The following KLHL4 variants were observed in gnomAD, a reference collection of about 807,000 sequenced individuals.
KLHL4 encodes the protein kelch like family member 4, also known as kelch-like protein 4.
KLHL4 carries 17 observed loss-of-function variants against 45.8 expected under a neutral mutation model. The ratio of observed to expected loss-of-function variants is 0.37; its 90% CI spans 0.25 to 0.56. The LOEUF is 0.56. KLHL4 is among the 20% of genes least tolerant of loss of function. KLHL4 has a pLI of 0.79. For missense variants in KLHL4, 544 were observed against 544.9 expected (o/e 1.00, Z 0.02); for synonymous variants, 224 against 189.9 (o/e 1.18, Z -1.47).
intron 1 of KLHL4, among the ~76,000 whole-genome samples, chrX:87,534,252 A>T (rs1428819625): frequency 9.0e-6 from 1 of 111,060 alleles, no homozygotes; most frequent in Non-Finnish European, 1.9e-5. Context: ...TTATGTAGGG[A>T]GCTCATTAAA....
At chrX:87,652,824 C>T (rs1463400592) in intron 9 of KLHL4, among the ~76,000 whole-genome samples, 2 of 111,940 alleles carry the variant, frequency 1.8e-5, no homozygotes, top group African/African-American at 3.2e-5. Context: ...AGCAGTGCCC[C>T]ACTCTACTGG....
At chrX:87,658,872 C>A (rs1353296185) in intron 9 of KLHL4, among the ~76,000 whole-genome samples, 1 of 110,904 alleles carries the variant, frequency 9.0e-6, no homozygotes, top group African/African-American at 3.3e-5. Flanking sequence ...TTGAGAATTC[C>A]TTTTATGTGA....
chrX:87,560,334 T>C lies in KLHL4; in HGVS notation c.422+42019T>C, dbSNP rs757759996. ...TTCCTCTTTTGCAAGGCAATAATTG[T>C]TCTTTGTTAAGACACAAATAGCTGT... On this transcript the variant is annotated intron_variant, in intron 1 of 10. Coordinates refer to ENST00000373119, the MANE Select transcript of KLHL4 (RefSeq NM_019117.5). 2.7e-5 allele frequency among the ~76,000 whole-genome samples: 3 copies of C among 112,339 alleles called. No individual in the cohort carries two copies. The South Asian group carries it at 1.1e-3, about 41-fold the overall frequency.
chrX:87,608,717 A>G (rs904976025), intron 1 of KLHL4, among the ~76,000 whole-genome samples: 7 of 110,915 alleles, frequency 6.3e-5, no homozygotes, highest in African/African-American at 2.3e-4. Context: ...AAGCGAGAGG[A>G]AGGGTACTAG....
chrX:87,521,405 T>C (rs910030159), intron 1 of KLHL4, among the ~76,000 whole-genome samples: 4 of 111,779 alleles, frequency 3.6e-5, no homozygotes, highest in Non-Finnish European at 7.5e-5. Context: ...GGCACTCTTC[T>C]AGATGTTAGG....
chrX:87,623,139 A>C (rs1922807053), intron 5 of KLHL4, among the ~76,000 whole-genome samples: 1 of 111,371 alleles, frequency 9.0e-6, no homozygotes, highest in Admixed American at 9.6e-5. Context: ...GGCCTCAAAC[A>C]TCATCCAAAT....
At chrX:87,573,740 G>A (rs774312257) in intron 1 of KLHL4, among the ~76,000 whole-genome samples, 6 of 111,577 alleles carry the variant, frequency 5.4e-5, no homozygotes, top group African/African-American at 1.6e-4. Flanking sequence ...TCAATAAAAT[G>A]TTTCACTATA....
In KLHL4 at chrX:87,530,793, G is replaced by A. The variant is rs758972629; in HGVS notation, c.422+12478G>A. The stretch of plus-strand genomic sequence containing the variant: ...TCCTTTTGGTATATACCCAGTAATG[G>A]GATGGCTGGGTCAAATGGTATTTCC... On this transcript the variant is annotated intron_variant, in intron 1 of 10. Transcript: ENST00000373119. Among the ~76,000 whole-genome samples the A allele has an allele frequency of 6.8e-3, 703 of 103,197 alleles. 8 individuals carry two copies. Among genetic ancestry groups the A allele is most frequent in the African/African-American group, 0.024 (655 of 27,397 alleles). 89.6% of individuals were successfully genotyped at this position (103,197 alleles called of 115,157 possible). A position where few individuals can be genotyped will look rare whatever the true frequency, so the allele number is the denominator to read the frequency against.
rs35149807 is a variant in KLHL4, at chrX:87,659,588, A to AT, written c.1926-5168dup. The stretch of plus-strand genomic sequence containing the variant: ...AAAAATTTTTACGTTTCTTTATTAT[A>AT]TTTTTTTTAACTTATTTCCATTATT... On this transcript the variant is annotated intron_variant, in intron 9 of 10. Transcript: ENST00000373119. 1.1e-4 allele frequency among the ~76,000 whole-genome samples: 12 copies of AT among 108,635 alleles called. No individual in the cohort carries two copies. In the East Asian group the frequency reaches 2.1e-3, roughly 19 times the overall value. 94.3% of individuals were successfully genotyped at this position (108,635 alleles called of 115,157 possible). A position where few individuals can be genotyped will look rare whatever the true frequency, so the allele number is the denominator to read the frequency against.
intron 1 of KLHL4, among the ~76,000 whole-genome samples, chrX:87,547,913 A>G (rs1347261564): frequency 2.7e-5 from 3 of 112,280 alleles, no homozygotes; most frequent in Non-Finnish European, 5.6e-5. Flanking sequence ...TTCACCTTAA[A>G]GAAAAGGTAG....
chrX:87,581,402 C>T (rs1367628424), intron 1 of KLHL4, among the ~76,000 whole-genome samples: 1 of 112,486 alleles, frequency 8.9e-6, no homozygotes, highest in Admixed American at 9.3e-5. Context: ...TTCTTGATCC[C>T]ATTCCTCTGA....
At chrX:87,539,321 G>A (rs753046262) in intron 1 of KLHL4, among the ~76,000 whole-genome samples, 63 of 110,156 alleles carry the variant, frequency 5.7e-4, no homozygotes, top group African/African-American at 1.9e-3. Context: ...CAACCTTTTT[G>A]TAATCACTAT....
intron 1 of KLHL4, among the ~76,000 whole-genome samples, chrX:87,612,935 T>C (rs959601428): frequency 4.5e-5 from 5 of 111,637 alleles, no homozygotes; most frequent in African/African-American, 1.6e-4. Context: ...AGAGTGCATC[T>C]GAAGGGAGGT....
At chrX:87,563,346 G>A (rs1022509620) in intron 1 of KLHL4, among the ~76,000 whole-genome samples, 1 of 109,709 alleles carries the variant, frequency 9.1e-6, no homozygotes, top group South Asian at 4.0e-4. Context: ...GTGACCTTTC[G>A]GAGAGATAGT....
In KLHL4 at chrX:87,606,932, A is replaced by G. The variant is rs757403163; in HGVS notation, c.423-6945A>G. ...AAAAAATAAAAAGTTTAGAAAACAA[A>G]TGCTTCTGAAAGTAAGAAATAACAC... On this transcript the variant is annotated intron_variant, in intron 1 of 10. Coordinates refer to ENST00000373119, the MANE Select transcript of KLHL4 (RefSeq NM_019117.5). 2.3e-3 allele frequency among the ~76,000 whole-genome samples: 257 copies of G among 112,222 alleles called. 1 individual carries two copies. The highest frequency in any genetic ancestry group is 8.0e-3 in the African/African-American group (247 of 31,009).
chrX:87,569,352 C>A (rs1569343770), intron 1 of KLHL4, among the ~76,000 whole-genome samples: 1 of 111,018 alleles, frequency 9.0e-6, no homozygotes. Context: ...AAATGGGAAC[C>A]CTCAAGTATT....
In KLHL4 at chrX:87,633,831, C is replaced by G. The variant is rs1315847989; in HGVS notation, c.1632C>G (p.Asp544Glu). 2.5e-6 allele frequency: 3 copies of G among 1,205,136 alleles called. No individual in the cohort carries two copies. The African/African-American group carries it at 5.3e-5, about 21-fold the overall frequency. The change falls in exon 8 of 11, where the codon GAC becomes GAG. Residue 544 changes from aspartate to glutamate, a missense_variant. By Grantham distance (45) the Asp-to-Glu change is conservative. Coordinates refer to ENST00000373119, the MANE Select transcript of KLHL4 (RefSeq NM_019117.5). ...WSYLNTVERW[D>E]PEGRQWNYVA... is the part of the protein sequence containing the mutation. Reference sequence around the variant, plus strand: ...ATCTAAATACTGTAGAAAGATGGGACCCTGAGGGACGACAGTGGAATTACG... The same window carrying G: ...ATCTAAATACTGTAGAAAGATGGGAGCCTGAGGGACGACAGTGGAATTACG...
At chrX:87,662,245 C>T (rs992157884) in intron 9 of KLHL4, among the ~76,000 whole-genome samples, 3 of 111,147 alleles carry the variant, frequency 2.7e-5, no homozygotes, top group African/African-American at 9.8e-5. Flanking sequence ...AACAAAATAT[C>T]ACATGTACCC....
chrX:87,523,433 A>G (rs1931042290), intron 1 of KLHL4, among the ~76,000 whole-genome samples: 1 of 111,700 alleles, frequency 9.0e-6, no homozygotes, highest in Admixed American at 9.6e-5. Context: ...CCTCAGTTAA[A>G]AAACTTAAGT....
Sources: gnomAD v4.1 joint callset for allele counts (sites outside exome capture counted in the v4.1 genomes callset) on GRCh38, gnomAD v4.1.1 for gene constraint, MANE v1.5 for transcripts, NCBI Gene and HGNC (gene_info 2026-07-23, HGNC 2026-07-21) for gene names.